Variants in MYH9 observed in about 807,000 individuals in gnomAD.
The protein encoded by MYH9 is myosin heavy chain 9.
MYH9 carries 29 observed loss-of-function variants against 241.9 expected under a neutral mutation model. The ratio of observed to expected loss-of-function variants is 0.12; its 90% CI spans 0.09 to 0.16. MYH9 has a LOEUF of 0.16. Ranked by LOEUF, MYH9 falls within the 10% of genes least tolerant of loss-of-function variation. The probability of loss-of-function intolerance (pLI) is 1.00; values close to 1 mark genes in which losing one functional copy is unlikely to be tolerated. For synonymous variants in MYH9, 1,047 were observed against 1,062.6 expected (o/e 0.99, Z 0.29); for missense variants, 1,803 against 2,595.5 (o/e 0.69, Z 6.63).
rs1603483419 is a variant in MYH9 at position 36,319,575 on chromosome 22, C to T, written c.1073G>A (p.Arg358Gln). 6.2e-7 allele frequency: 1 copy of T among 1,614,130 alleles called. No individual in the cohort carries two copies. Among genetic ancestry groups the T allele is most frequent in the Non-Finnish European group, 8.5e-7 (1 of 1,180,018 alleles). ...GGGCATGGACGCCTGGTCAGTGTTCCGCTCCTTCTTGAAGACGATGTTGCC... is the reference window on the plus strand; with the variant it reads ...GGGCATGGACGCCTGGTCAGTGTTCTGCTCCTTCTTGAAGACGATGTTGCC... ...QLGNIVFKKERNTDQASMPDN... is the reference protein window; with the variant it reads ...QLGNIVFKKEQNTDQASMPDN... The change falls in exon 10 of 41, where the codon CGG becomes CAG. Residue 358 changes from arginine (R) to glutamine (Q), a missense_variant. Physicochemically the swap from Arg to Gln is conservative, Grantham distance 43 (BLOSUM62 1). This residue lies in a region of MYH9 where 222 missense variants were observed against 359.9 expected (regional missense o/e 0.62). Transcript: ENST00000216181.
chr22:36,290,358 A>C (rs928499279), intron 31 of MYH9, among the ~76,000 whole-genome samples: 2 of 149,350 alleles, frequency 1.3e-5, no homozygotes, highest in Admixed American at 6.6e-5. Flanking sequence ...AAAAAAAAAA[A>C]CCCAAACTAT....
chr22:36,341,289 T>A, intron 3 of MYH9, 81 bp downstream of exon 3: 2 of 1,567,898 alleles, frequency 1.3e-6, no homozygotes, highest in Non-Finnish European at 1.7e-6. Flanking sequence ...TGGCACCAAA[T>A]GTGACTTAGC....
chr22:36,338,379 G>C (rs770288852), intron 3 of MYH9, among the ~76,000 whole-genome samples: 2 of 152,142 alleles, frequency 1.3e-5, no homozygotes, highest in Admixed American at 6.5e-5. Context: ...TCCAATGCTA[G>C]CAGAAGGCAA....
chr22:36,378,045 C>G (rs972849339), intron 1 of MYH9, among the ~76,000 whole-genome samples: 1 of 151,038 alleles, frequency 6.6e-6, no homozygotes, highest in Admixed American at 6.6e-5. Flanking sequence ...GAGGCCAAGG[C>G]AGGTAGATTG....
chr22:36,345,672 T>A (rs1032717557), intron 2 of MYH9, among the ~76,000 whole-genome samples: 5 of 152,224 alleles, frequency 3.3e-5, no homozygotes, highest in African/African-American at 1.2e-4. Context: ...TTAATACTCC[T>A]TAGGGACAGG....
chr22:36,287,115 G>A (rs971001520), intron 34 of MYH9, among the ~76,000 whole-genome samples: 2 of 152,152 alleles, frequency 1.3e-5, no homozygotes, highest in African/African-American at 4.8e-5. Flanking sequence ...CCTGTGGGCC[G>A]GAAGCCAGTG....
At chr22:36,387,260 G>A (rs1032732434) in intron 1 of MYH9, among the ~76,000 whole-genome samples, 1 of 152,204 alleles carries the variant, frequency 6.6e-6, no homozygotes, top group Non-Finnish European at 1.5e-5. Flanking sequence ...GTCTGCAGCG[G>A]GACGGTCCGA....
At chr22:36,347,082 T>C (rs2017688565) in intron 2 of MYH9, among the ~76,000 whole-genome samples, 1 of 152,192 alleles carries the variant, frequency 6.6e-6, no homozygotes, top group South Asian at 2.1e-4. Context: ...GAAATATCTT[T>C]GAGTTGAACA....
intron 1 of MYH9, among the ~76,000 whole-genome samples, chr22:36,378,032 T>C (rs1446391026): frequency 6.6e-6 from 1 of 151,162 alleles, no homozygotes; most frequent in African/African-American, 2.4e-5. Context: ...CCTAGCACTT[T>C]GGGAGGCCAA....
At chr22:36,336,338 C>T (rs1008797395) in intron 3 of MYH9, among the ~76,000 whole-genome samples, 1 of 152,210 alleles carries the variant, frequency 6.6e-6, no homozygotes, top group Non-Finnish European at 1.5e-5. Context: ...AGGGTCTGGC[C>T]CGGGATCCAG....
At position 36,282,329 on chromosome 22, in the gene MYH9, G is replaced by C. The variant is rs2016503678; in HGVS notation, c.*339C>G. ...AAAAATAGATTCATAGAAAACTCTG[G>C]CCCCTCCCCGGGGGCCTGCCCTGCT... On this transcript the variant is annotated 3_prime_UTR_variant, in exon 41 of 41. Transcript: ENST00000216181. 2.1e-6 allele frequency: 1 copy of C among 467,712 alleles called. No individual in the cohort carries two copies. The highest frequency in any genetic ancestry group is 3.9e-6 in the Non-Finnish European group (1 of 257,130). 29.0% of individuals were successfully genotyped at this position (467,712 alleles called of 1,614,324 possible).
chr22:36,287,605 G>C (rs2016608332), intron 34 of MYH9, among the ~76,000 whole-genome samples: 2 of 152,194 alleles, frequency 1.3e-5, no homozygotes, highest in African/African-American at 2.4e-5. Context: ...AGCCGGGCGT[G>C]GCGGCGTGCG....
At position 36,300,774 on chromosome 22, in the gene MYH9, C is replaced by T. The variant is rs935161637; in HGVS notation, c.2838+77G>A. The T allele has an allele frequency of 1.3e-6, 2 of 1,536,882 alleles. No homozygotes were observed. Among genetic ancestry groups the T allele is most frequent in the African/African-American group, 1.4e-5 (1 of 73,706 alleles). ...CCTTGGACCCTAATTCCATGTTCTCCCAGCTCCTGGTTCCTGCTCCTCCGC... is the reference window on the plus strand; with the variant it reads ...CCTTGGACCCTAATTCCATGTTCTCTCAGCTCCTGGTTCCTGCTCCTCCGC... On this transcript the variant is annotated intron_variant, in intron 22 of 40. Transcript: ENST00000216181. The surrounding 1 kb of genome is among the most constrained non-coding windows in gnomAD (Gnocchi z 5.0).
At chr22:36,318,524 AC>A (rs1196090681) in intron 10 of MYH9, among the ~76,000 whole-genome samples, 199 bp from the exon 11 acceptor site, 11 of 151,836 alleles carry the variant, frequency 7.2e-5, no homozygotes, top group African/African-American at 2.4e-4. Flanking sequence ...GACACCTAGC[AC>A]CCCCCAGACT....
At chr22:36,377,836 G>A (rs961484224) in intron 1 of MYH9, among the ~76,000 whole-genome samples, 4 of 152,116 alleles carry the variant, frequency 2.6e-5, no homozygotes, top group Non-Finnish European at 4.4e-5. Flanking sequence ...GCGTGAACCC[G>A]AGAGGCGGAG....
chr22:36,295,180 C>T lies in MYH9; in HGVS notation c.3486-104G>A. The T allele has an allele frequency of 6.6e-7, 1 of 1,510,790 alleles. No homozygotes were observed. Among genetic ancestry groups the T allele is most frequent in the Admixed American group, 1.7e-5 (1 of 59,626 alleles). 93.6% of individuals were successfully genotyped at this position (1,510,790 alleles called of 1,614,324 possible). A position where few individuals can be genotyped will look rare whatever the true frequency, so the allele number is the denominator to read the frequency against. ...GAGAGGCCTGGCCAGGGCACAGGCA[C>T]TCCAGGCAGCTTTTCTACCCACCGG... On this transcript the variant is annotated intron_variant, in intron 26 of 40. Coordinates refer to ENST00000216181, the MANE Select transcript of MYH9 (RefSeq NM_002473.6). The surrounding 1 kb of genome is among the most constrained non-coding windows in gnomAD (Gnocchi z 4.1).
intron 32 of MYH9, 70 bp from the exon 33 acceptor site, chr22:36,289,009 C>G: frequency 1.9e-6 from 3 of 1,612,754 alleles, no homozygotes; most frequent in Non-Finnish European, 2.5e-6. Context: ...GACCCGGAGT[C>G]TGTGCACACA....
At chr22:36,385,087 C>T (rs62228871) in intron 1 of MYH9, among the ~76,000 whole-genome samples, 1 of 151,896 alleles carries the variant, frequency 6.6e-6, no homozygotes, top group East Asian at 1.9e-4. Context: ...TGTTTAATTA[C>T]GACGACACAC....
chr22:36,301,868 T>C (rs147524627), intron 20 of MYH9, among the ~76,000 whole-genome samples: 3 of 152,168 alleles, frequency 2.0e-5, no homozygotes, highest in Non-Finnish European at 2.9e-5. Flanking sequence ...CCAGGGAAAC[T>C]ATCCCTGCGT....
Sources: gnomAD v4.1 joint callset for allele counts (sites outside exome capture counted in the v4.1 genomes callset) on GRCh38, gnomAD v4.1.1 for gene constraint, gnomAD v4.1.1 regional missense constraint, Gnocchi (gnomAD v3.1) non-coding constraint, MANE v1.5 for transcripts, NCBI Gene and HGNC (gene_info 2026-07-23, HGNC 2026-07-21) for gene names.